KCTD6: variants seen among roughly 807,000 people sequenced by gnomAD.
KCTD6 encodes the protein potassium channel tetramerization domain containing 6.
In KCTD6, 6 loss-of-function variants were observed where a neutral mutation model predicts 18.7. That is an observed-to-expected ratio of 0.32 (90% CI 0.18 to 0.63). The LOEUF is 0.63. Ranked by LOEUF, KCTD6 falls within the 30% of genes least tolerant of loss-of-function variation. The pLI is 0.79. For missense variants in KCTD6, 165 were observed against 300.2 expected (o/e 0.55, Z 3.33); for synonymous variants, 86 against 108.5 (o/e 0.79, Z 1.29).
At position 58,500,973 on chromosome 3, in the gene KCTD6, G is replaced by A. The variant is rs762676084; in HGVS notation, c.55G>A (p.Gly19Ser). ...GACTGACCCAGTCACATTAAATGTAGGTGGACACTTGTATACAACGTCTCT... is the reference window on the plus strand; with the variant it reads ...GACTGACCCAGTCACATTAAATGTAAGTGGACACTTGTATACAACGTCTCT... ...MMTDPVTLNV[G>S]GHLYTTSLTT... Residue 19 changes from glycine (G) to serine (S), a missense_variant, in exon 3 of 3, where the codon GGT becomes AGT. Gly to Ser is a moderately conservative substitution (Grantham distance 56, BLOSUM62 0). This residue lies in a region of KCTD6 where 59 missense variants were observed against 69.9 expected (regional missense o/e 0.84). Transcript: ENST00000404589. 6.3e-7 allele frequency: 1 copy of A among 1,583,360 alleles called. No individual in the cohort carries two copies. Among genetic ancestry groups the A allele is most frequent in the African/African-American group, 1.4e-5 (1 of 73,434 alleles).
Position 58,498,855 on chromosome 3 carries a change from TTTAGGTA to T in KCTD6, c.27+75_27+81del. On this transcript the variant is annotated intron_variant, in intron 2 of 2. Coordinates refer to ENST00000404589, the MANE Select transcript of KCTD6 (RefSeq NM_001128214.2). This position sits in a 1 kb window ranked among gnomAD's most constrained non-coding sequence, Gnocchi z 4.6. The stretch of plus-strand genomic sequence containing the variant: ...GTGTGTCTTTTTATCCTTATGTATT[TTTAGGTA>T]TATCTTATAAGAAAAGAAAATTGTG... 1 of 1,232,936 alleles carries T rather than the reference TTTAGGTA, an allele frequency of 8.1e-7. No individual in the cohort carries two copies. The allele number at this position is 1,232,936 out of a possible 1,614,324, so 76.4% of individuals were successfully genotyped here. A position where few individuals can be genotyped will look rare whatever the true frequency, so the allele number is the denominator to read the frequency against.
chr3:58,492,351 A>C lies in KCTD6; in HGVS notation c.-44+182A>C, dbSNP rs1189668167. On this transcript the variant is annotated intron_variant, in intron 1 of 2. Transcript: ENST00000404589. This position sits in a 1 kb window ranked among gnomAD's most constrained non-coding sequence, Gnocchi z 6.1. ...GCGTCCCGGGCTGGCACGAGCCAGC[A>C]GCGGAGGTGCCCGCGGCGGGGCCTG... Among the ~76,000 whole-genome samples, 1 of 149,930 alleles carries C rather than the reference A, an allele frequency of 6.7e-6. No individual in the cohort carries two copies. Among genetic ancestry groups the C allele is most frequent in the Admixed American group, 6.6e-5 (1 of 15,104 alleles).
Position 58,499,648 on chromosome 3 carries a change from C to G in KCTD6, c.27+866C>G, listed in dbSNP as rs1277071793. Among the ~76,000 whole-genome samples, 21 of 148,166 alleles carry G rather than the reference C, an allele frequency of 1.4e-4. No homozygotes were observed. In the Admixed American group the frequency reaches 1.4e-3, roughly 10 times the overall value. On this transcript the variant is annotated intron_variant, in intron 2 of 2. Coordinates refer to ENST00000404589, the MANE Select transcript of KCTD6 (RefSeq NM_001128214.2). ...TGACTTTCCAAGCTCAGGTGATTGT[C>G]CCACCTCAGCCTCCTGAGTAGCTGA...
In KCTD6 at chr3:58,501,625, A is replaced by G; in HGVS notation, c.707A>G (p.Asp236Gly). ...TTCTGTAGGCTAGCCCGGAAGACAGACGACTGATCTCCGACCCTGCCACAG... is the reference window on the plus strand; with the variant it reads ...TTCTGTAGGCTAGCCCGGAAGACAGGCGACTGATCTCCGACCCTGCCACAG... ...WTFCRLARKTDD is the reference protein window; with the variant it reads ...WTFCRLARKTGD Residue 236 changes from aspartate to glycine, a missense_variant, in exon 3 of 3, where the codon GAC becomes GGC. Transcript: ENST00000404589. This position sits in a 1 kb window ranked among gnomAD's most constrained non-coding sequence, Gnocchi z 9.7. 1 of 1,331,954 alleles carries G rather than the reference A, an allele frequency of 7.5e-7. No homozygotes were observed. Among genetic ancestry groups the G allele is most frequent in the Non-Finnish European group, 9.7e-7 (1 of 1,033,600 alleles). 82.5% of individuals were successfully genotyped at this position (1,331,954 alleles called of 1,614,324 possible).
chr3:58,500,140 A>T (rs1042217730), intron 2 of KCTD6, among the ~76,000 whole-genome samples: 3 of 151,542 alleles, frequency 2.0e-5, no homozygotes, highest in Non-Finnish European at 2.9e-5. Context: ...TTTGGAGACA[A>T]AATCTCTCTG....
intron 2 of KCTD6, among the ~76,000 whole-genome samples, chr3:58,500,573 T>TA (rs904614469): frequency 7.9e-5 from 12 of 151,494 alleles, no homozygotes; most frequent in South Asian, 4.2e-4. Context: ...ATGCAAGCCT[T>TA]AAAAAAAAAT....
Position 58,498,014 on chromosome 3 carries a change from C to A in KCTD6, c.-43-699C>A, listed in dbSNP as rs984927707. 2 of 146,708 alleles carry A rather than the reference C, an allele frequency of 1.4e-5. No homozygotes were observed. Among genetic ancestry groups the A allele is most frequent in the African/African-American group, 5.1e-5 (2 of 39,602 alleles). 9.1% of individuals were successfully genotyped at this position (146,708 alleles called of 1,614,324 possible). A position where few individuals can be genotyped will look rare whatever the true frequency, so the allele number is the denominator to read the frequency against. ...TTTTTTTTTTTGAGATGGAGTCTCG[C>A]ACTGTTGCAGGGGCTGGTGTGCAGT... On this transcript the variant is annotated intron_variant, in intron 1 of 2. Coordinates refer to ENST00000404589, the MANE Select transcript of KCTD6 (RefSeq NM_001128214.2). The surrounding 1 kb of genome is among the most constrained non-coding windows in gnomAD (Gnocchi z 4.6).
rs955960635 is a variant in KCTD6 at position 58,498,874 on chromosome 3, A to G, written c.27+92A>G. 6.8e-5 allele frequency: 73 copies of G among 1,077,340 alleles called. No individual in the cohort carries two copies. In the African/African-American group the frequency reaches 1.1e-3, roughly 16 times the overall value. 66.7% of individuals were successfully genotyped at this position (1,077,340 alleles called of 1,614,324 possible). ...TGTATTTTTAGGTATATCTTATAAGAAAAGAAAATTGTGAATTTGTGTAAC... is the reference window on the plus strand; with the variant it reads ...TGTATTTTTAGGTATATCTTATAAGGAAAGAAAATTGTGAATTTGTGTAAC... On this transcript the variant is annotated intron_variant, in intron 2 of 2. Transcript: ENST00000404589. The surrounding 1 kb of genome is among the most constrained non-coding windows in gnomAD (Gnocchi z 4.6).
chr3:58,501,267 T>A lies in KCTD6; in HGVS notation c.349T>A (p.Phe117Ile). The A allele has an allele frequency of 1.2e-6, 2 of 1,614,154 alleles. No individual in the cohort carries two copies. Among genetic ancestry groups the A allele is most frequent in the Non-Finnish European group, 1.7e-6 (2 of 1,180,000 alleles). ...DPKPLYPMDT[F>I]EEVVELSSTR... ...TAAGCCTTTGTATCCCATGGATACT[T>A]TTGAAGAAGTTGTGGAGCTGTCTAG... The change falls in exon 3 of 3, where the codon TTT becomes ATT. Residue 117 changes from phenylalanine (F) to isoleucine (I), a missense_variant. By Grantham distance (21) the Phe-to-Ile change is conservative. Transcript: ENST00000404589. The surrounding 1 kb of genome is among the most constrained non-coding windows in gnomAD (Gnocchi z 9.7).
At position 58,493,127 on chromosome 3, in the gene KCTD6, A is replaced by C. The variant is rs1050513376; in HGVS notation, c.-44+958A>C. ...GAGAAGCTTGGGGACAGCATGTAGCACAGTCCTGAGCCCAAGATTGAGATG... is the reference window on the plus strand; with the variant it reads ...GAGAAGCTTGGGGACAGCATGTAGCCCAGTCCTGAGCCCAAGATTGAGATG... On this transcript the variant is annotated intron_variant, in intron 1 of 2. Transcript: ENST00000404589. The surrounding 1 kb of genome is among the most constrained non-coding windows in gnomAD (Gnocchi z 4.5). 6.6e-6 allele frequency among the ~76,000 whole-genome samples: 1 copy of C among 152,196 alleles called. No homozygotes were observed. Among genetic ancestry groups the C allele is most frequent in the Non-Finnish European group, 1.5e-5 (1 of 68,030 alleles).
Position 58,498,620 on chromosome 3 carries a change from GT to G in KCTD6, c.-43-92del, listed in dbSNP as rs539758163. 151 of 735,142 alleles carry G rather than the reference GT, an allele frequency of 2.1e-4. 3 individuals are homozygous for G. In the East Asian group the frequency reaches 3.9e-3, roughly 19 times the overall value. 45.5% of individuals were successfully genotyped at this position (735,142 alleles called of 1,614,324 possible). A position where few individuals can be genotyped will look rare whatever the true frequency, so the allele number is the denominator to read the frequency against. On this transcript the variant is annotated intron_variant, in intron 1 of 2. Coordinates refer to ENST00000404589, the MANE Select transcript of KCTD6 (RefSeq NM_001128214.2). This position sits in a 1 kb window ranked among gnomAD's most constrained non-coding sequence, Gnocchi z 4.6. ...TGAGCAAGGACGAGTAGTTTTTCTG[GT>G]GTTTGGCCTCCTCTGTTGGGTGGAA...
At position 58,496,047 on chromosome 3, in the gene KCTD6, T is replaced by G. The variant is rs1300425618; in HGVS notation, c.-43-2666T>G. On this transcript the variant is annotated intron_variant, in intron 1 of 2. Coordinates refer to ENST00000404589, the MANE Select transcript of KCTD6 (RefSeq NM_001128214.2). This position sits in a 1 kb window ranked among gnomAD's most constrained non-coding sequence, Gnocchi z 5.1. Reference sequence around the variant, plus strand: ...GTTTCTCATTTAATCATTTGGATATTCACGGATTGGAGTTCTTTATGTCAC... The same window carrying G: ...GTTTCTCATTTAATCATTTGGATATGCACGGATTGGAGTTCTTTATGTCAC... Among the ~76,000 whole-genome samples the G allele has an allele frequency of 1.3e-5, 2 of 152,170 alleles. No individual in the cohort carries two copies. The highest frequency in any genetic ancestry group is 1.5e-5 in the Non-Finnish European group (1 of 68,022).
rs2063187733 is a variant in KCTD6, at chr3:58,498,069, CCT to C, written c.-43-640_-43-639del. The C allele has an allele frequency of 6.6e-6, 1 of 151,500 alleles. No homozygotes were observed. Among genetic ancestry groups the C allele is most frequent in the Non-Finnish European group, 1.5e-5 (1 of 67,994 alleles). 9.4% of individuals were successfully genotyped at this position (151,500 alleles called of 1,614,324 possible). A position where few individuals can be genotyped will look rare whatever the true frequency, so the allele number is the denominator to read the frequency against. On this transcript the variant is annotated intron_variant, in intron 1 of 2. Transcript: ENST00000404589. The surrounding 1 kb of genome is among the most constrained non-coding windows in gnomAD (Gnocchi z 4.6). ...CAGTCTCGGCTCACTGCAACCTCCG[CCT>C]CTCGGGTTCAAGTGATGCTCCTGCC...
rs754116358 is a variant in KCTD6, at chr3:58,501,005, A to G, written c.87A>G (p.Thr29=). The G allele has an allele frequency of 3.7e-6, 6 of 1,613,050 alleles. No homozygotes were observed. Among genetic ancestry groups the G allele is most frequent in the African/African-American group, 2.7e-5 (2 of 74,852 alleles). The change falls in exon 3 of 3, where the codon ACA becomes ACG. Residue 29 remains threonine, a synonymous_variant. Coordinates refer to ENST00000404589, the MANE Select transcript of KCTD6 (RefSeq NM_001128214.2). This position sits in a 1 kb window ranked among gnomAD's most constrained non-coding sequence, Gnocchi z 9.7. ...GGHLYTTSLT[T]LTRYPDSMLG... is the part of the protein sequence containing the mutation. Reference sequence around the variant, plus strand: ...ACTTGTATACAACGTCTCTCACCACATTGACGCGTTACCCGGATTCCATGC... The same window carrying G: ...ACTTGTATACAACGTCTCTCACCACGTTGACGCGTTACCCGGATTCCATGC...
chr3:58,499,887 A>G lies in KCTD6; in HGVS notation c.28-1059A>G, dbSNP rs115048149. 9.7e-4 allele frequency among the ~76,000 whole-genome samples: 147 copies of G among 152,168 alleles called. 1 individual carries two copies. The highest frequency in any genetic ancestry group is 3.4e-3 in the African/African-American group (143 of 41,526). ...TCTAAAACTGAAGGTATGTTTTTTAAGAGAAGCTTGCTTCTCAGAATTAAA... is the reference window on the plus strand; with the variant it reads ...TCTAAAACTGAAGGTATGTTTTTTAGGAGAAGCTTGCTTCTCAGAATTAAA... On this transcript the variant is annotated intron_variant, in intron 2 of 2. Coordinates refer to ENST00000404589, the MANE Select transcript of KCTD6 (RefSeq NM_001128214.2).
Position 58,502,170 on chromosome 3 carries a change from A to T in KCTD6, c.*538A>T, listed in dbSNP as rs191291910. On this transcript the variant is annotated 3_prime_UTR_variant, in exon 3 of 3. Transcript: ENST00000404589. ...TTATGACAACTGTTTCTTTCTATGCATATAAATCAAGGAACCAAATATCTG... is the reference window on the plus strand; with the variant it reads ...TTATGACAACTGTTTCTTTCTATGCTTATAAATCAAGGAACCAAATATCTG... The T allele has an allele frequency of 1.3e-5, 2 of 152,644 alleles. No individual in the cohort carries two copies. Among genetic ancestry groups the T allele is most frequent in the Admixed American group, 6.5e-5 (1 of 15,288 alleles). 9.5% of individuals were successfully genotyped at this position (152,644 alleles called of 1,614,324 possible).
Position 58,497,253 on chromosome 3 carries a change from T to C in KCTD6, c.-43-1460T>C, listed in dbSNP as rs952309340. Among the ~76,000 whole-genome samples, 6 of 152,388 alleles carry C rather than the reference T, an allele frequency of 3.9e-5. No homozygotes were observed. The highest frequency in any genetic ancestry group is 9.6e-5 in the African/African-American group (4 of 41,604). On this transcript the variant is annotated intron_variant, in intron 1 of 2. Transcript: ENST00000404589. The surrounding 1 kb of genome is among the most constrained non-coding windows in gnomAD (Gnocchi z 4.2). ...GAGAAATAGATGCTTCAGGCTCTGA[T>C]TTCAGCCCATGCTGTGCTATGCAAA...
Position 58,497,714 on chromosome 3 carries a change from T to C in KCTD6, c.-43-999T>C, listed in dbSNP as rs1576979069. Reference sequence around the variant, plus strand: ...TCATCTATATCGGTAAGGTTCTTTTTGCCCCAAATTGTGCTCTTTAACACT... The same window carrying C: ...TCATCTATATCGGTAAGGTTCTTTTCGCCCCAAATTGTGCTCTTTAACACT... On this transcript the variant is annotated intron_variant, in intron 1 of 2. Transcript: ENST00000404589. The surrounding 1 kb of genome is among the most constrained non-coding windows in gnomAD (Gnocchi z 4.2). 6.6e-6 allele frequency: 1 copy of C among 152,374 alleles called. No homozygotes were observed. Among genetic ancestry groups the C allele is most frequent in the East Asian group, 1.9e-4 (1 of 5,194 alleles). 9.4% of individuals were successfully genotyped at this position (152,374 alleles called of 1,614,324 possible).
chr3:58,501,637 C>T lies in KCTD6; in HGVS notation c.*5C>T, dbSNP rs764240888. 14 of 1,318,694 alleles carry T rather than the reference C, an allele frequency of 1.1e-5. No individual in the cohort carries two copies. In the Admixed American group the frequency reaches 1.2e-4, roughly 11 times the overall value. The allele number at this position is 1,318,694 out of a possible 1,614,324, so 81.7% of individuals were successfully genotyped here. ...GCCCGGAAGACAGACGACTGATCTC[C>T]GACCCTGCCACAGGTTCCTGGAAAG... On this transcript the variant is annotated 3_prime_UTR_variant, in exon 3 of 3. Coordinates refer to ENST00000404589, the MANE Select transcript of KCTD6 (RefSeq NM_001128214.2). The surrounding 1 kb of genome is among the most constrained non-coding windows in gnomAD (Gnocchi z 9.7).
Sources: allele counts gnomAD v4.1 joint callset (sites outside exome capture counted in the v4.1 genomes callset), GRCh38; gene constraint gnomAD v4.1.1; regional missense constraint gnomAD v4.1.1; non-coding constraint Gnocchi (gnomAD v3.1); transcripts MANE v1.5; gene names NCBI Gene and HGNC (gene_info 2026-07-23, HGNC 2026-07-21).